Variants in CCDC171 observed in about 807,000 individuals in gnomAD.
CCDC171 encodes the protein coiled-coil domain containing 171, also known as coiled-coil domain-containing protein 171.
In CCDC171, 177 loss-of-function variants were observed where a neutral mutation model predicts 168.2. That is an observed-to-expected ratio of 1.05 (90% CI 0.93 to 1.19). The LOEUF (loss-of-function observed/expected upper bound fraction) is 1.19. Among genes scored for constraint, CCDC171 ranks in the 50% most tolerant of loss-of-function variants. CCDC171 has a pLI of 0.00. For synonymous variants in CCDC171, 687 were observed against 540.8 expected, an observed-to-expected ratio of 1.27 and a Z score of -3.75; for missense variants, 1,991 against 1,539.0, an observed-to-expected ratio of 1.29 and a Z score of -4.91.
At chr9:15,620,323 A>T (rs1298846084) in intron 6 of CCDC171, among the ~76,000 whole-genome samples, 1 of 152,104 alleles carries the variant, frequency 6.6e-6, no homozygotes, top group Non-Finnish European at 1.5e-5. Context: ...ACCATTTGTG[A>T]TTCATGTGAG....
rs560570672 is a variant in CCDC171 at position 15,585,605 on chromosome 9, G to C, written c.353-5761G>C. 4.6e-5 allele frequency among the ~76,000 whole-genome samples: 7 copies of C among 152,264 alleles called. No individual in the cohort carries two copies. The South Asian group carries it at 1.5e-3, about 32-fold the overall frequency. On this transcript the variant is annotated intron_variant, in intron 4 of 25. Coordinates refer to ENST00000380701, the MANE Select transcript of CCDC171 (RefSeq NM_173550.4). Reference sequence around the variant, plus strand: ...GGTGGGTTGGCAGTGGATTTGACTGGGAAAGAGTATGAGGGTACTTTTTGG... The same window carrying C: ...GGTGGGTTGGCAGTGGATTTGACTGCGAAAGAGTATGAGGGTACTTTTTGG...
chr9:15,790,915 G>A (rs571914467), intron 21 of CCDC171, among the ~76,000 whole-genome samples: 83 of 152,168 alleles, frequency 5.5e-4, no homozygotes, highest in African/African-American at 1.9e-3. Context: ...GTAGACATGT[G>A]GTATTATTTC....
the CCDC171 span, among the ~76,000 whole-genome samples, chr9:16,108,834 G>A: frequency 6.6e-6 from 1 of 152,122 alleles, no homozygotes; most frequent in East Asian, 1.9e-4. Context: ...ACCAGAAGCT[G>A]AACAAATGCT....
chr9:16,061,365 G>A (rs1586871981), downstream of CCDC171: 1 of 152,176 alleles, frequency 6.6e-6, no homozygotes, highest in South Asian at 2.1e-4. Context: ...TCTGTTGGCA[G>A]CACCTTAAGA....
At chr9:15,596,779 A>C (rs995716257) in intron 6 of CCDC171, among the ~76,000 whole-genome samples, 1 of 152,098 alleles carries the variant, frequency 6.6e-6, no homozygotes, top group Non-Finnish European at 1.5e-5. Flanking sequence ...ACCCATGAGC[A>C]TGGAATGTTC....
chr9:15,875,541 A>G (rs55932823), intron 24 of CCDC171: 9 of 152,124 alleles, frequency 5.9e-5, no homozygotes, highest in Non-Finnish European at 8.8e-5. Context: ...GTCCTTGTTC[A>G]ATAGCACTCT....
intron 4 of CCDC171, among the ~76,000 whole-genome samples, chr9:15,582,162 C>A (rs1383604638): frequency 6.6e-6 from 1 of 152,140 alleles, no homozygotes; most frequent in African/African-American, 2.4e-5. Context: ...ATGCAACCAA[C>A]AAACATATGA....
chr9:15,862,408 T>C (rs1304584673), intron 23 of CCDC171, among the ~76,000 whole-genome samples: 22 of 151,900 alleles, frequency 1.4e-4, no homozygotes. Context: ...TTGTTCCTCT[T>C]AAGTTTTCTT....
chr9:15,611,409 G>T (rs10962098), intron 6 of CCDC171, among the ~76,000 whole-genome samples: 3 of 152,006 alleles, frequency 2.0e-5, no homozygotes, highest in Non-Finnish European at 2.9e-5. Context: ...CTAAAAAGAT[G>T]AGAAGAAGCT....
rs34754760 is a variant in CCDC171, at chr9:15,578,887, C to G, written c.216C>G (p.Ser72=). The part of the protein sequence containing the change: ...SYESQIAKLR[S]EVEKGEALRQ... ...AGAGCCAGATTGCCAAGCTACGGTCCGAGGTTGAAAAGGGAGAAGCATTGC... is the reference window on the plus strand; with the variant it reads ...AGAGCCAGATTGCCAAGCTACGGTCGGAGGTTGAAAAGGGAGAAGCATTGC... Residue 72 remains serine (S), a synonymous_variant, in exon 4 of 26, where the codon TCC becomes TCG. Transcript: ENST00000380701. 2 of 1,613,530 alleles carry G rather than the reference C, an allele frequency of 1.2e-6. No individual in the cohort carries two copies. Among genetic ancestry groups the G allele is most frequent in the African/African-American group, 2.7e-5 (2 of 74,854 alleles).
chr9:15,698,197 G>C (rs945307100), intron 11 of CCDC171, among the ~76,000 whole-genome samples: 1 of 152,048 alleles, frequency 6.6e-6, no homozygotes, highest in Non-Finnish European at 1.5e-5. Context: ...CTACCTCTGT[G>C]AGATCTGCTT....
intron 7 of CCDC171, among the ~76,000 whole-genome samples, chr9:15,648,504 G>T (rs980128774): frequency 6.6e-6 from 1 of 152,114 alleles, no homozygotes; most frequent in Non-Finnish European, 1.5e-5. Context: ...AAACCCCATC[G>T]TCTCAGCCCA....
At chr9:15,825,106 C>T (rs1161240133) in intron 21 of CCDC171, among the ~76,000 whole-genome samples, 2 of 152,108 alleles carry the variant, frequency 1.3e-5, no homozygotes, top group African/African-American at 4.8e-5. Flanking sequence ...TTTTCTTCTT[C>T]ATCCACCTAT....
intron 8 of CCDC171, among the ~76,000 whole-genome samples, chr9:15,660,966 C>T (rs903821246): frequency 1.3e-5 from 2 of 152,174 alleles, no homozygotes; most frequent in Non-Finnish European, 2.9e-5. Context: ...CTTTTCTCAG[C>T]AGCCTCACCA....
At chr9:15,790,008 A>G (rs191979850) in intron 21 of CCDC171, among the ~76,000 whole-genome samples, 2 of 152,142 alleles carry the variant, frequency 1.3e-5, no homozygotes, top group African/African-American at 4.8e-5. Flanking sequence ...TCATGGTTGG[A>G]CATTTGGGTT....
intron 2 of CCDC171, among the ~76,000 whole-genome samples, chr9:15,570,445 C>G (rs1351205491): frequency 6.6e-6 from 1 of 151,588 alleles, no homozygotes; most frequent in Non-Finnish European, 1.5e-5. Context: ...AGGCATGCTT[C>G]TTTTCTATGC....
intron 4 of CCDC171, among the ~76,000 whole-genome samples, chr9:15,585,630 G>C (rs1204145927): frequency 6.6e-6 from 1 of 152,050 alleles, no homozygotes; most frequent in South Asian, 2.1e-4. Flanking sequence ...GTACTTTTTG[G>C]GTTGAAAGAA....
chr9:15,968,692 G>A (rs1426448255), intron 25 of CCDC171, among the ~76,000 whole-genome samples: 6 of 151,854 alleles, frequency 4.0e-5, no homozygotes, highest in African/African-American at 9.7e-5. Context: ...GATTACAGGC[G>A]CCCGCCCAAC....
intron 6 of CCDC171, among the ~76,000 whole-genome samples, chr9:15,595,265 A>G (rs1052513942): frequency 6.6e-6 from 1 of 152,102 alleles, no homozygotes; most frequent in Non-Finnish European, 1.5e-5. Context: ...GTCATTTAAC[A>G]TTAGGTATAT....
Sources: gnomAD v4.1 joint callset for allele counts (sites outside exome capture counted in the v4.1 genomes callset) on GRCh38, gnomAD v4.1.1 for gene constraint, MANE v1.5 for transcripts, NCBI Gene and HGNC (gene_info 2026-07-23, HGNC 2026-07-21) for gene names.